SCHIP1: variants seen among roughly 807,000 people sequenced by gnomAD.
The protein encoded by SCHIP1 is schwannomin interacting protein 1.
In SCHIP1, 8 loss-of-function variants were observed where a neutral mutation model predicts 29.7. That is an observed-to-expected ratio of 0.27 (90% CI 0.16 to 0.49). The LOEUF (loss-of-function observed/expected upper bound fraction) is 0.49. SCHIP1 is among the 20% of genes least tolerant of loss of function. The pLI is 0.99. For missense variants in SCHIP1, 193 were observed against 294.6 expected (o/e 0.66, Z 2.52); for synonymous variants, 76 against 94.9 (o/e 0.80, Z 1.16).
At chr3:159,784,065 G>T in the SCHIP1 span, among the ~76,000 whole-genome samples, 9,492 of 152,234 alleles carry the variant, frequency 0.062, 950 homozygotes, top group African/African-American at 0.21. Flanking sequence ...TCCCATATGT[G>T]ATGATTGGAT....
At chr3:159,424,480 A>C in the SCHIP1 span, among the ~76,000 whole-genome samples, 5 of 152,200 alleles carry the variant, frequency 3.3e-5, no homozygotes, top group African/African-American at 9.7e-5. Context: ...TGAGAAGGGA[A>C]GTTTAGAGAA....
chr3:159,597,111 G>C, the SCHIP1 span, among the ~76,000 whole-genome samples: 1 of 151,962 alleles, frequency 6.6e-6, no homozygotes, highest in Non-Finnish European at 1.5e-5. Context: ...CCAGAAAATG[G>C]GGGAAACAAA....
the SCHIP1 span, among the ~76,000 whole-genome samples, chr3:159,524,661 G>A: frequency 7.2e-5 from 11 of 152,152 alleles, no homozygotes; most frequent in African/African-American, 4.8e-5. Context: ...ATAAGCCTCC[G>A]AAACACGTGA....
At chr3:159,691,624 G>T in the SCHIP1 span, among the ~76,000 whole-genome samples, 5 of 152,144 alleles carry the variant, frequency 3.3e-5, no homozygotes, top group South Asian at 1.0e-3. Context: ...TGTTATGTGT[G>T]AATTTGATCC....
the SCHIP1 span, among the ~76,000 whole-genome samples, chr3:159,591,881 C>A: frequency 1.3e-5 from 2 of 151,684 alleles, no homozygotes; most frequent in Non-Finnish European, 2.9e-5. Context: ...CACATGTATA[C>A]CTGTGTAACA....
chr3:159,304,482 C>T, the SCHIP1 span, among the ~76,000 whole-genome samples: 2 of 152,142 alleles, frequency 1.3e-5, no homozygotes, highest in Non-Finnish European at 2.9e-5. Flanking sequence ...GCTAGAATGA[C>T]ATCTTCAGGC....
At chr3:159,630,503 T>C in the SCHIP1 span, among the ~76,000 whole-genome samples, 1 of 151,960 alleles carries the variant, frequency 6.6e-6, no homozygotes, top group Admixed American at 6.6e-5. Flanking sequence ...TACTCAGCCA[T>C]AAAAAGGAAC....
chr3:159,335,174 C>A, the SCHIP1 span, among the ~76,000 whole-genome samples: 1 of 152,000 alleles, frequency 6.6e-6, no homozygotes, highest in African/African-American at 2.4e-5. Context: ...GTTTTCATTT[C>A]TAAATAACTA....
At chr3:159,815,937 C>CTATT in the SCHIP1 span, among the ~76,000 whole-genome samples, 215 of 147,536 alleles carry the variant, frequency 1.5e-3, 3 homozygotes, top group South Asian at 6.5e-3. Flanking sequence ...GCCTCTGGTC[C>CTATT]TATTTATTTA....
At chr3:159,755,708 C>A in the SCHIP1 span, among the ~76,000 whole-genome samples, 1 of 152,322 alleles carries the variant, frequency 6.6e-6, no homozygotes, top group Non-Finnish European at 1.5e-5. Flanking sequence ...TCCCTTCCAC[C>A]TATGAGCCTG....
chr3:159,561,723 CA>C, the SCHIP1 span, among the ~76,000 whole-genome samples: 1 of 152,016 alleles, frequency 6.6e-6, no homozygotes, highest in Non-Finnish European at 1.5e-5. Flanking sequence ...AAGGACACAT[CA>C]ATTTTAATGG....
At chr3:159,764,568 G>A in the SCHIP1 span, 2 of 1,604,320 alleles carry the variant, frequency 1.2e-6, no homozygotes, top group African/African-American at 1.3e-5. The surrounding 1 kb of genome is among the most constrained non-coding windows in gnomAD (Gnocchi z 6.1). Flanking sequence ...CTTCATCGTC[G>A]CCGGGGGGCA....
At chr3:159,643,613 C>A in the SCHIP1 span, among the ~76,000 whole-genome samples, 1 of 152,114 alleles carries the variant, frequency 6.6e-6, no homozygotes, top group African/African-American at 2.4e-5. Flanking sequence ...CATCAAGCTA[C>A]AACAGAAGGT....
the SCHIP1 span, among the ~76,000 whole-genome samples, chr3:159,285,783 C>T: frequency 6.6e-6 from 1 of 152,070 alleles, no homozygotes; most frequent in Admixed American, 6.6e-5. Context: ...TGAATATTCA[C>T]TCATTCAATA....
chr3:159,757,829 C>T, the SCHIP1 span, among the ~76,000 whole-genome samples: 1 of 152,188 alleles, frequency 6.6e-6, no homozygotes, highest in African/African-American at 2.4e-5. Context: ...TGCTGTGTGG[C>T]ACTGACAATG....
chr3:159,402,970 C>T, the SCHIP1 span, among the ~76,000 whole-genome samples: 19 of 151,928 alleles, frequency 1.3e-4, no homozygotes, highest in Non-Finnish European at 1.9e-4. Context: ...ATATCTCCCC[C>T]GTAAGTTCTA....
the SCHIP1 span, among the ~76,000 whole-genome samples, chr3:159,481,279 T>A: frequency 1.3e-5 from 2 of 152,284 alleles, no homozygotes; most frequent in Admixed American, 1.3e-4. Flanking sequence ...ATGATCTTGA[T>A]GTACCATAAG....
the SCHIP1 span, among the ~76,000 whole-genome samples, chr3:159,340,787 G>A: frequency 3.3e-5 from 5 of 152,000 alleles, no homozygotes; most frequent in Admixed American, 2.0e-4. Flanking sequence ...TTATAATTTG[G>A]GGGGGCGCAG....
the SCHIP1 span, chr3:159,386,700 G>A: frequency 6.6e-5 from 10 of 152,158 alleles, no homozygotes; most frequent in Non-Finnish European, 1.0e-4. Flanking sequence ...CAGATATATA[G>A]AGCATTTTTT....
Sources: allele counts gnomAD v4.1 joint callset (sites outside exome capture counted in the v4.1 genomes callset), GRCh38; gene constraint gnomAD v4.1.1; non-coding constraint Gnocchi (gnomAD v3.1); transcripts MANE v1.5; gene names NCBI Gene and HGNC (gene_info 2026-07-23, HGNC 2026-07-21).